The following NBAS variants were observed in gnomAD, a reference collection of about 807,000 sequenced individuals.
NBAS encodes the protein NBAS subunit of NRZ tethering complex, also known as NAG/BC035112 fusion.
Under a neutral mutation model 302.5 loss-of-function variants are expected in NBAS, and 219 were observed. The ratio of observed to expected loss-of-function variants is 0.72; its 90% CI spans 0.65 to 0.81. NBAS has a LOEUF of 0.81. Ranked by LOEUF, NBAS falls within the 30% of genes least tolerant of loss-of-function variation. NBAS has a pLI of 0.00. For missense variants in NBAS, 2,932 were observed against 2,841.6 expected (o/e 1.03, Z -0.72); for synonymous variants, 1,118 against 1,021.6 (o/e 1.09, Z -1.80).
chr2:14,820,293 A>T, the NBAS span, among the ~76,000 whole-genome samples: 1 of 152,246 alleles, frequency 6.6e-6, no homozygotes, highest in Non-Finnish European at 1.5e-5. Flanking sequence ...ATGGATAAAG[A>T]AAATGTGGTA....
Position 15,185,341 on chromosome 2 carries a change from C to G in NBAS, c.6711+1401G>C, listed in dbSNP as rs368730772. On this transcript the variant is annotated intron_variant, in intron 50 of 51. Transcript: ENST00000281513. ...CCTCCTGTTAGGCAGTAACAGGAGA[C>G]CTTAAACAATGCTTTCCTAACCTAG... is the stretch of plus-strand genomic sequence containing the variant. 3.3e-5 allele frequency among the ~76,000 whole-genome samples: 5 copies of G among 152,296 alleles called. No homozygotes were observed. The East Asian group carries it at 9.7e-4, about 29-fold the overall frequency.
the NBAS span, among the ~76,000 whole-genome samples, chr2:15,059,421 T>G: frequency 6.6e-6 from 1 of 152,158 alleles, no homozygotes; most frequent in Non-Finnish European, 1.5e-5. Flanking sequence ...TTGTTGACAC[T>G]TTGGACTGGA....
At chr2:15,404,115 A>G (rs546253222) in intron 25 of NBAS, among the ~76,000 whole-genome samples, 37 of 152,192 alleles carry the variant, frequency 2.4e-4, no homozygotes, top group Non-Finnish European at 4.6e-4. Context: ...CGTCATAACA[A>G]TCCTATAAAA....
the NBAS span, among the ~76,000 whole-genome samples, chr2:15,091,643 G>A: frequency 6.6e-6 from 1 of 150,816 alleles, no homozygotes; most frequent in Non-Finnish European, 1.5e-5. Flanking sequence ...AGCAATTCTT[G>A]TGCCTCAGCC....
chr2:14,824,741 G>C, the NBAS span, among the ~76,000 whole-genome samples: 1 of 152,140 alleles, frequency 6.6e-6, no homozygotes, highest in Non-Finnish European at 1.5e-5. Context: ...CAGTGGGAAA[G>C]CAGTGGGAGC....
the NBAS span, among the ~76,000 whole-genome samples, chr2:14,829,893 T>C: frequency 6.6e-6 from 1 of 152,274 alleles, no homozygotes. Flanking sequence ...TTTTGGAAAA[T>C]TTTTAAAATT....
chr2:14,879,611 C>G, the NBAS span, among the ~76,000 whole-genome samples: 2 of 152,148 alleles, frequency 1.3e-5, no homozygotes, highest in African/African-American at 4.8e-5. Flanking sequence ...GACTTCATTT[C>G]TCAGTTCTTA....
intron 43 of NBAS, 65 bp downstream of exon 43, chr2:15,276,786 A>G: frequency 1.9e-6 from 3 of 1,611,148 alleles, no homozygotes; most frequent in Non-Finnish European, 2.5e-6. Context: ...AGGATTGTGT[A>G]CAGAAAATTA....
rs866720328 is a variant in NBAS at position 15,342,325 on chromosome 2, C to T, written c.4179+9667G>A. Among the ~76,000 whole-genome samples the T allele has an allele frequency of 2.0e-5, 3 of 151,656 alleles. No individual in the cohort carries two copies. In the East Asian group the frequency reaches 6.0e-4, roughly 30 times the overall value. On this transcript the variant is annotated intron_variant, in intron 35 of 51. Transcript: ENST00000281513. ...AAATAAATCAAAAAAATAAATAAAT[C>T]AAACAATAAATCATGGTACATGCAT...
chr2:14,978,642 A>T, the NBAS span, among the ~76,000 whole-genome samples: 189 of 152,328 alleles, frequency 1.2e-3, no homozygotes, highest in Admixed American at 2.2e-3. Flanking sequence ...CTAATCAGAA[A>T]AATCCTTACA....
rs754803835 is a variant in NBAS, at chr2:15,232,466, G to T, written c.6192C>A (p.Val2064=). 6.2e-7 allele frequency: 1 copy of T among 1,613,998 alleles called. No individual in the cohort carries two copies. Among genetic ancestry groups the T allele is most frequent in the East Asian group, 2.2e-5 (1 of 44,862 alleles). ...GGACTGCTGCAACAACACCTTCCAGGACCTTCAGTGGGTCCCTTGGCCCAC... is the reference window on the plus strand; with the variant it reads ...GGACTGCTGCAACAACACCTTCCAGTACCTTCAGTGGGTCCCTTGGCCCAC... ...DLGGPRDPLK[V]LEGVVAAVHA... The change falls in exon 47 of 52, where the codon GTC becomes GTA. Residue 2064 remains valine (V), a synonymous_variant. Coordinates refer to ENST00000281513, the MANE Select transcript of NBAS (RefSeq NM_015909.4).
rs1343733065 is a variant in NBAS, at chr2:15,488,959, C to G, written c.1018G>C (p.Gly340Arg). 2.5e-6 allele frequency: 4 copies of G among 1,613,884 alleles called. No homozygotes were observed. The East Asian group carries it at 8.9e-5, about 36-fold the overall frequency. The change falls in exon 12 of 52, where the codon GGG becomes CGG. Residue 340 changes from glycine (G) to arginine (R), a missense_variant. By Grantham distance (125) the Gly-to-Arg change is moderately radical. Coordinates refer to ENST00000281513, the MANE Select transcript of NBAS (RefSeq NM_015909.4). ...GMLLAAIHFSGKLSIWAIPSL... is the reference protein window; with the variant it reads ...GMLLAAIHFSRKLSIWAIPSL... ...GGAATCGCCCAGATGCTCAGTTTCC[C>G]TGAGAAGTGAATGGCTGCCAGGAGC...
chr2:15,297,025 A>G (rs1325547124), intron 40 of NBAS, among the ~76,000 whole-genome samples: 28 of 152,274 alleles, frequency 1.8e-4, no homozygotes, highest in East Asian at 1.9e-4. Context: ...ACTTTTCCCA[A>G]CAGATATTTA....
At chr2:15,127,789 G>A in the NBAS span, among the ~76,000 whole-genome samples, 1 of 152,150 alleles carries the variant, frequency 6.6e-6, no homozygotes, top group Non-Finnish European at 1.5e-5. Context: ...GGCCTGAACA[G>A]CTTGAAGATG....
At chr2:15,446,981 G>A (rs539145374) in intron 21 of NBAS, among the ~76,000 whole-genome samples, 1 of 149,670 alleles carries the variant, frequency 6.7e-6, no homozygotes, top group Non-Finnish European at 1.5e-5. Flanking sequence ...AACAGAAAAA[G>A]AAAAAAAGGG....
the NBAS span, among the ~76,000 whole-genome samples, chr2:15,104,499 AC>A: frequency 1.6e-5 from 2 of 122,452 alleles, no homozygotes; most frequent in South Asian, 5.3e-4. Context: ...TTTATCTGCT[AC>A]TTTTTTTTTT....
chr2:15,214,017 T>G (rs1431744427), intron 48 of NBAS, among the ~76,000 whole-genome samples: 1 of 152,038 alleles, frequency 6.6e-6, no homozygotes, highest in Non-Finnish European at 1.5e-5. Flanking sequence ...AAAAATAAAA[T>G]AAAAGCACCA....
At chr2:15,448,795 A>G (rs1166344133) in intron 21 of NBAS, among the ~76,000 whole-genome samples, 1 of 152,210 alleles carries the variant, frequency 6.6e-6, no homozygotes, top group Non-Finnish European at 1.5e-5. Context: ...AGGCTTGCCT[A>G]TATCAGAAAT....
chr2:15,166,842 TAATC>T, downstream of NBAS: 2 of 554,652 alleles, frequency 3.6e-6, no homozygotes, highest in Non-Finnish European at 5.8e-6. Context: ...AAGAGTCTCT[TAATC>T]AATAAGAAAA....
Sources: gnomAD v4.1 joint callset for allele counts (sites outside exome capture counted in the v4.1 genomes callset) on GRCh38, gnomAD v4.1.1 for gene constraint, MANE v1.5 for transcripts, NCBI Gene and HGNC (gene_info 2026-07-23, HGNC 2026-07-21) for gene names.